Variants in TMEM65 observed in about 807,000 individuals in gnomAD.
The protein encoded by TMEM65 is transmembrane protein 65.
A neutral mutation model predicts 25.4 loss-of-function variants in TMEM65; 22 were observed. That is an observed-to-expected ratio of 0.86 (90% CI 0.62 to 1.23). The LOEUF (loss-of-function observed/expected upper bound fraction) is 1.23, where lower values mean the gene tolerates loss of function less well. TMEM65 is among the 50% of genes most tolerant of loss of function. The pLI is 0.00. For missense variants in TMEM65, 262 were observed against 308.2 expected, an observed-to-expected ratio of 0.85 and a Z score of 1.12; for synonymous variants, 132 against 126.2, an observed-to-expected ratio of 1.05 and a Z score of -0.31.
chr8:124,360,226 C>A (rs1484014969), intron 1 of TMEM65, among the ~76,000 whole-genome samples: 2 of 152,010 alleles, frequency 1.3e-5, no homozygotes, highest in Non-Finnish European at 2.9e-5. Flanking sequence ...GTCAGGAGAT[C>A]AAGACCATCC....
chr8:124,320,932 C>G (rs1814296695), intron 5 of TMEM65, among the ~76,000 whole-genome samples: 1 of 152,096 alleles, frequency 6.6e-6, no homozygotes, highest in African/African-American at 2.4e-5. Context: ...GAAAAATCTT[C>G]ATCTCTAAAC....
chr8:124,322,279 A>C, intron 4 of TMEM65, 132 bp from the exon 5 acceptor site: 138 of 588,654 alleles, frequency 2.3e-4, no homozygotes, highest in Non-Finnish European at 3.3e-4. Context: ...AAAGTAACTC[A>C]TTGGACAGCT....
intron 1 of TMEM65, among the ~76,000 whole-genome samples, chr8:124,331,541 A>G (rs937277048): frequency 2.6e-5 from 4 of 151,560 alleles, no homozygotes; most frequent in Admixed American, 6.6e-5. Flanking sequence ...AGTTTTCCCA[A>G]GTATAAGCCA....
At chr8:124,346,438 T>A (rs1471371697) in intron 1 of TMEM65, among the ~76,000 whole-genome samples, 3 of 152,206 alleles carry the variant, frequency 2.0e-5, no homozygotes, top group Admixed American at 6.5e-5. Flanking sequence ...CTATTTTTTT[T>A]ATTATGCTTT....
intron 6 of TMEM65, among the ~76,000 whole-genome samples, chr8:124,317,826 T>C (rs1814256552): frequency 6.6e-6 from 1 of 152,158 alleles, no homozygotes; most frequent in Non-Finnish European, 1.5e-5. Context: ...GCTCTGAAGA[T>C]GCAGGCTGCC....
At chr8:124,356,046 A>G (rs1349294196) in intron 1 of TMEM65, among the ~76,000 whole-genome samples, 1 of 152,230 alleles carries the variant, frequency 6.6e-6, no homozygotes, top group East Asian at 1.9e-4. Flanking sequence ...GAATAGCAGT[A>G]TTGTAGGAAG....
At position 124,309,673 on chromosome 8, in the gene TMEM65, T is replaced by C. The variant is rs1006868891; in HGVS notation, c.*4287A>G. 3.3e-5 allele frequency: 5 copies of C among 152,296 alleles called. No individual in the cohort carries two copies. The East Asian group carries it at 7.7e-4, about 23-fold the overall frequency. The allele number at this position is 152,296 out of a possible 1,614,324, so 9.4% of individuals were successfully genotyped here. On this transcript the variant is annotated 3_prime_UTR_variant, in exon 7 of 7. Coordinates refer to ENST00000297632, the MANE Select transcript of TMEM65 (RefSeq NM_194291.3). ...GGTCTTCACTGACCATCTTCACTTA[T>C]GACCACTGGTACTTTCTATCCTCTT...
intron 1 of TMEM65, among the ~76,000 whole-genome samples, chr8:124,333,558 T>C (rs1415314886): frequency 6.6e-6 from 1 of 151,878 alleles, no homozygotes; most frequent in African/African-American, 2.4e-5. Flanking sequence ...AACAATAAGA[T>C]AACTATTAAG....
At chr8:124,339,222 AATAT>A (rs1209068044) in intron 1 of TMEM65, among the ~76,000 whole-genome samples, 21 of 19,906 alleles carry the variant, frequency 1.1e-3, no homozygotes, top group South Asian at 5.0e-3. Context: ...AAAAAAAAAA[AATAT>A]ATATATATAT....
rs1249202989 is a variant in TMEM65, at chr8:124,308,748, TCAA to T, written c.*5209_*5211del. 1 of 152,042 alleles carries T rather than the reference TCAA, an allele frequency of 6.6e-6. No individual in the cohort carries two copies. Among genetic ancestry groups the T allele is most frequent in the East Asian group, 1.9e-4 (1 of 5,190 alleles). The allele number at this position is 152,042 out of a possible 1,614,324, so 9.4% of individuals were successfully genotyped here. A position where few individuals can be genotyped will look rare whatever the true frequency, so the allele number is the denominator to read the frequency against. ...TTTAGAAGCAGTGCCAGAAAACAAA[TCAA>T]CATTAGACAATCTGGTAGAAGTGTT... On this transcript the variant is annotated 3_prime_UTR_variant, in exon 7 of 7. Coordinates refer to ENST00000297632, the MANE Select transcript of TMEM65 (RefSeq NM_194291.3).
At chr8:124,357,184 A>G (rs1340353970) in intron 1 of TMEM65, among the ~76,000 whole-genome samples, 2 of 151,448 alleles carry the variant, frequency 1.3e-5, no homozygotes, top group African/African-American at 4.9e-5. Flanking sequence ...ATCTTCTCCT[A>G]TCACTCTATT....
chr8:124,335,310 A>G (rs946902543), intron 1 of TMEM65, among the ~76,000 whole-genome samples: 8 of 152,226 alleles, frequency 5.3e-5, no homozygotes, highest in African/African-American at 1.9e-4. Flanking sequence ...AACTGAAGCT[A>G]TAAGAATGTG....
chr8:124,326,585 T>C (rs1334412797), intron 3 of TMEM65, among the ~76,000 whole-genome samples: 1 of 152,096 alleles, frequency 6.6e-6, no homozygotes, highest in African/African-American at 2.4e-5. Flanking sequence ...TCAAATCTAA[T>C]TGTAATGAAA....
rs1204819226 is a variant in TMEM65 at position 124,308,372 on chromosome 8, T to A, written c.*5588A>T. Reference sequence around the variant, plus strand: ...TCTATGCAAAGAACCATCAGTGCCATGCAAGAGAACTCTAACAAAGAGAAC... The same window carrying A: ...TCTATGCAAAGAACCATCAGTGCCAAGCAAGAGAACTCTAACAAAGAGAAC... On this transcript the variant is annotated 3_prime_UTR_variant, in exon 7 of 7. Transcript: ENST00000297632. 1 of 152,180 alleles carries A rather than the reference T, an allele frequency of 6.6e-6. No homozygotes were observed. The highest frequency in any genetic ancestry group is 2.4e-5 in the African/African-American group (1 of 41,428). 9.4% of individuals were successfully genotyped at this position (152,180 alleles called of 1,614,324 possible). A position where few individuals can be genotyped will look rare whatever the true frequency, so the allele number is the denominator to read the frequency against.
At chr8:124,366,278 A>G (rs183998625) in intron 1 of TMEM65, among the ~76,000 whole-genome samples, 3 of 152,334 alleles carry the variant, frequency 2.0e-5, no homozygotes, top group Admixed American at 6.5e-5. Flanking sequence ...GCCCCCTTGG[A>G]ACATTTTCTC....
At position 124,307,535 on chromosome 8, in the gene TMEM65, T is replaced by C. The variant is rs1482116017; in HGVS notation, c.*6425A>G. 6.6e-6 allele frequency: 1 copy of C among 152,036 alleles called. No homozygotes were observed. The highest frequency in any genetic ancestry group is 1.5e-5 in the Non-Finnish European group (1 of 68,006). The allele number at this position is 152,036 out of a possible 1,614,324, so 9.4% of individuals were successfully genotyped here. ...ACTTTTTGTGATATACCTTTTTATCTCGTATTAAAAATGCAACTTTTATGT... is the reference window on the plus strand; with the variant it reads ...ACTTTTTGTGATATACCTTTTTATCCCGTATTAAAAATGCAACTTTTATGT... On this transcript the variant is annotated 3_prime_UTR_variant, in exon 7 of 7. Coordinates refer to ENST00000297632, the MANE Select transcript of TMEM65 (RefSeq NM_194291.3).
chr8:124,352,318 T>C (rs1814720245), intron 1 of TMEM65, among the ~76,000 whole-genome samples: 1 of 152,006 alleles, frequency 6.6e-6, no homozygotes, highest in South Asian at 2.1e-4. Context: ...TAATGAAAAA[T>C]GAATTATTAA....
intron 1 of TMEM65, among the ~76,000 whole-genome samples, chr8:124,357,559 C>G (rs1291264632): frequency 6.6e-6 from 1 of 151,972 alleles, no homozygotes; most frequent in Non-Finnish European, 1.5e-5. Context: ...ACATTGATTC[C>G]CCTTATTTTC....
chr8:124,367,730 T>TGTGTGATTGTG (rs1229380405), intron 1 of TMEM65, among the ~76,000 whole-genome samples: 10 of 152,160 alleles, frequency 6.6e-5, no homozygotes, highest in African/African-American at 2.2e-4. Flanking sequence ...TCACCCTACC[T>TGTGTGATTGTG]TAAACAATCA....
Sources: gnomAD v4.1 joint callset for allele counts (sites outside exome capture counted in the v4.1 genomes callset) on GRCh38, gnomAD v4.1.1 for gene constraint, MANE v1.5 for transcripts, NCBI Gene and HGNC (gene_info 2026-07-23, HGNC 2026-07-21) for gene names.